CELF4: variants seen among roughly 807,000 people sequenced by gnomAD.
The protein encoded by CELF4 is CUG-BP- and ETR-3-like factor 4.
A neutral mutation model predicts 59.9 loss-of-function variants in CELF4; 18 were observed. The observed-to-expected ratio is 0.30, with a 90% CI of 0.21 to 0.45. CELF4 has a LOEUF of 0.45. Ranked by LOEUF, CELF4 falls within the 20% of genes least tolerant of loss-of-function variation. The pLI, the probability that CELF4 is intolerant of heterozygous loss-of-function variation, is 1.00. For synonymous variants in CELF4, 261 were observed against 267.1 expected, an observed-to-expected ratio of 0.98 and a Z score of 0.22; for missense variants, 456 against 689.0, an observed-to-expected ratio of 0.66 and a Z score of 3.79.
chr18:37,315,981 G>A (rs1033168263), intron 3 of CELF4, among the ~76,000 whole-genome samples: 10 of 152,306 alleles, frequency 6.6e-5, no homozygotes, highest in Middle Eastern at 3.4e-3. Context: ...GGCTGCAGGA[G>A]GTACCTTGGT....
chr18:37,478,067 C>T (rs913142860), intron 2 of CELF4, among the ~76,000 whole-genome samples: 4 of 152,198 alleles, frequency 2.6e-5, no homozygotes, highest in African/African-American at 9.7e-5. Context: ...CCAATGGCGT[C>T]GGGTAGTGGA....
intron 3 of CELF4, among the ~76,000 whole-genome samples, chr18:37,278,769 T>C (rs2093728991): frequency 2.0e-5 from 3 of 152,090 alleles, no homozygotes; most frequent in Non-Finnish European, 4.4e-5. Flanking sequence ...AGAGGAGAAG[T>C]CAGAGGAGCC....
In CELF4 at chr18:37,503,115, G is replaced by A. The variant is rs553115946; in HGVS notation, c.287-17508C>T. Among the ~76,000 whole-genome samples, 31 of 152,248 alleles carry A rather than the reference G, an allele frequency of 2.0e-4. No homozygotes were observed. In the South Asian group the frequency reaches 6.0e-3, roughly 30 times the overall value. On this transcript the variant is annotated intron_variant, in intron 1 of 12. Transcript: ENST00000420428. Reference sequence around the variant, plus strand: ...ATGCTCATGGTCACTCACTATCTAGGGGGAGGCAGGGCTTGGACTTAAATG... The same window carrying A: ...ATGCTCATGGTCACTCACTATCTAGAGGGAGGCAGGGCTTGGACTTAAATG...
Position 37,288,261 on chromosome 18 carries a change from C to A in CELF4, c.449-13018G>T, listed in dbSNP as rs115995605. On this transcript the variant is annotated intron_variant, in intron 3 of 12. Transcript: ENST00000420428. ...CACCTAATGAGGTCCTCCCTTCCTG[C>A]GCGGAGGGATGTCTCCCTTATAGGT... Among the ~76,000 whole-genome samples the A allele has an allele frequency of 3.9e-5, 6 of 152,340 alleles. No homozygotes were observed. The East Asian group carries it at 7.7e-4, about 20-fold the overall frequency.
intron 2 of CELF4, among the ~76,000 whole-genome samples, chr18:37,427,250 G>C (rs1039455244): frequency 2.6e-5 from 4 of 152,148 alleles, no homozygotes; most frequent in Non-Finnish European, 5.9e-5. Flanking sequence ...GTGGCCTCCT[G>C]AACACATTCT....
In CELF4 at chr18:37,334,530, G is replaced by T. The variant is rs2097691308; in HGVS notation, c.370-12649C>A. Among the ~76,000 whole-genome samples the T allele has an allele frequency of 2.6e-5, 4 of 152,232 alleles. No homozygotes were observed. In the South Asian group the frequency reaches 8.3e-4, roughly 32 times the overall value. The stretch of plus-strand genomic sequence containing the variant: ...CTGGCTGGGTGGGAGTGAGAAGGGG[G>T]TGGCATTGTGGCCACCGGCGGCTGG... On this transcript the variant is annotated intron_variant, in intron 2 of 12. Coordinates refer to ENST00000420428, the MANE Select transcript of CELF4 (RefSeq NM_020180.4).
chr18:37,486,208 C>G (rs1011555662), intron 1 of CELF4, among the ~76,000 whole-genome samples: 2 of 152,166 alleles, frequency 1.3e-5, no homozygotes, highest in African/African-American at 4.8e-5. Flanking sequence ...CTTCACACCC[C>G]TCCAAGTCAG....
intron 4 of CELF4, 37 bp from the exon 5 acceptor site, chr18:37,274,921 G>A: frequency 1.3e-6 from 2 of 1,596,768 alleles, no homozygotes; most frequent in Non-Finnish European, 1.7e-6. Context: ...GGACCCAGAA[G>A]CAGGGCCAGG....
intron 2 of CELF4, among the ~76,000 whole-genome samples, chr18:37,466,937 G>A (rs889379499): frequency 6.6e-6 from 1 of 152,150 alleles, no homozygotes; most frequent in South Asian, 2.1e-4. Flanking sequence ...GCCACTCAGC[G>A]GGTGTGGAGC....
At chr18:37,303,466 T>C (rs1443033422) in intron 3 of CELF4, among the ~76,000 whole-genome samples, 1 of 152,184 alleles carries the variant, frequency 6.6e-6, no homozygotes, top group African/African-American at 2.4e-5. Flanking sequence ...TTTTCAGCAG[T>C]AATTATGTTA....
chr18:37,427,040 G>GT (rs1049166984), intron 2 of CELF4, among the ~76,000 whole-genome samples: 3 of 146,512 alleles, frequency 2.0e-5, no homozygotes, highest in Non-Finnish European at 4.5e-5. Context: ...AGGGACACGG[G>GT]GGGGGGGGAA....
intron 11 of CELF4, among the ~76,000 whole-genome samples, chr18:37,256,103 T>A (rs1049398440): frequency 6.6e-6 from 1 of 152,190 alleles, no homozygotes; most frequent in Non-Finnish European, 1.5e-5. Flanking sequence ...CTGGGCACTG[T>A]CTCCCAAGTT....
At chr18:37,350,971 C>A (rs1319767973) in intron 2 of CELF4, among the ~76,000 whole-genome samples, 1 of 152,372 alleles carries the variant, frequency 6.6e-6, no homozygotes, top group Middle Eastern at 3.4e-3. Context: ...GCTTCTCATA[C>A]TGCCTTCAAG....
In CELF4 at chr18:37,339,955, G is replaced by A. The variant is rs540618890; in HGVS notation, c.370-18074C>T. Reference sequence around the variant, plus strand: ...CAGTGACTTGGGGTTCTGTGTGTCCGGCTGTTTCCCCCATAGAGTGCACCC... The same window carrying A: ...CAGTGACTTGGGGTTCTGTGTGTCCAGCTGTTTCCCCCATAGAGTGCACCC... On this transcript the variant is annotated intron_variant, in intron 2 of 12. Transcript: ENST00000420428. Among the ~76,000 whole-genome samples, 41 of 152,180 alleles carry A rather than the reference G, an allele frequency of 2.7e-4. No individual in the cohort carries two copies. In the South Asian group the frequency reaches 6.0e-3, roughly 22 times the overall value.
In CELF4 at chr18:37,558,707, C is replaced by T. The variant is rs1183116722; in HGVS notation, c.286+6649G>A. Among the ~76,000 whole-genome samples the T allele has an allele frequency of 2.6e-5, 4 of 151,782 alleles. No individual in the cohort carries two copies. The East Asian group carries it at 7.8e-4, about 30-fold the overall frequency. ...GATTTTCTGCTCTTGTTATAGAGAG[C>T]CCAAAAGGAGGGCAACCGGCTCCCT... is the stretch of plus-strand genomic sequence containing the variant. On this transcript the variant is annotated intron_variant, in intron 1 of 12. Coordinates refer to ENST00000420428, the MANE Select transcript of CELF4 (RefSeq NM_020180.4).
intron 3 of CELF4, among the ~76,000 whole-genome samples, chr18:37,292,860 A>G (rs73948868): frequency 0.16 from 24,717 of 152,282 alleles, 2,439 homozygotes; most frequent in East Asian, 0.42. Flanking sequence ...AATAAAAAAT[A>G]CACTGCTGGT....
At chr18:37,552,500 C>A (rs1024586116) in intron 1 of CELF4, among the ~76,000 whole-genome samples, 1 of 152,248 alleles carries the variant, frequency 6.6e-6, no homozygotes, top group Non-Finnish European at 1.5e-5. Context: ...CAACTCCCGC[C>A]CCAGCAGGCT....
chr18:37,318,495 A>C (rs2096949956), intron 3 of CELF4, among the ~76,000 whole-genome samples: 1 of 151,750 alleles, frequency 6.6e-6, no homozygotes, highest in Non-Finnish European at 1.5e-5. Context: ...ATGGCTATTA[A>C]ATTATTTTAA....
intron 1 of CELF4, among the ~76,000 whole-genome samples, chr18:37,512,391 TC>T (rs1383263172): frequency 6.6e-6 from 1 of 151,914 alleles, no homozygotes; most frequent in Non-Finnish European, 1.5e-5. Context: ...TCCTCCTCTT[TC>T]TCTTCCTCCG....
Sources: gnomAD v4.1 joint callset for allele counts (sites outside exome capture counted in the v4.1 genomes callset) on GRCh38, gnomAD v4.1.1 for gene constraint, MANE v1.5 for transcripts, NCBI Gene and HGNC (gene_info 2026-07-23, HGNC 2026-07-21) for gene names.